Variants in ZNF730 observed in about 807,000 individuals in gnomAD.
ZNF730 encodes zinc finger protein 730, also known as putative zinc finger protein 730.
ZNF730 carries 12 observed loss-of-function variants against 12.6 expected under a neutral mutation model. The observed-to-expected ratio is 0.95, with a 90% CI of 0.61 to 1.54. The LOEUF (loss-of-function observed/expected upper bound fraction) is 1.54. Among genes scored for constraint, ZNF730 ranks in the 40% most tolerant of loss-of-function variants. ZNF730 has a pLI of 0.00. For missense variants in ZNF730, 643 were observed against 583.5 expected, an observed-to-expected ratio of 1.10 and a Z score of -1.05; for synonymous variants, 194 against 195.8, an observed-to-expected ratio of 0.99 and a Z score of 0.08.
intron 1 of ZNF730, among the ~76,000 whole-genome samples, chr19:23,109,608 G>T (rs1970438010): frequency 6.6e-6 from 1 of 151,914 alleles, no homozygotes. Flanking sequence ...CACCAGGTTG[G>T]TCAGGCTGGT....
chr19:23,093,231 C>T (rs1234737229), intron 1 of ZNF730, among the ~76,000 whole-genome samples: 3 of 152,204 alleles, frequency 2.0e-5, no homozygotes, highest in Non-Finnish European at 4.4e-5. Context: ...TCGCCTTGGC[C>T]TCCCAAAGTG....
chr19:23,084,012 CATT>C (rs770662176), intron 1 of ZNF730, among the ~76,000 whole-genome samples: 15 of 151,980 alleles, frequency 9.9e-5, no homozygotes, highest in Non-Finnish European at 2.2e-4. Flanking sequence ...TGTTTTAAAA[CATT>C]TTTTCTATGT....
upstream of ZNF730, among the ~76,000 whole-genome samples, chr19:23,115,365 CTAATTGCAG>C (rs1970506317): frequency 6.6e-6 from 1 of 152,188 alleles, no homozygotes; most frequent in African/African-American, 2.4e-5. Flanking sequence ...CAGAATGATA[CTAATTGCAG>C]AAATTGCAGC....
At chr19:23,078,687 G>A (rs896064840) in intron 1 of ZNF730, among the ~76,000 whole-genome samples, 1 of 152,124 alleles carries the variant, frequency 6.6e-6, no homozygotes, top group Non-Finnish European at 1.5e-5. Context: ...CTTTGTCTCT[G>A]TGTCTCTTTC....
At chr19:23,102,534 C>T (rs1342165404) in intron 1 of ZNF730, among the ~76,000 whole-genome samples, 2 of 150,074 alleles carry the variant, frequency 1.3e-5, no homozygotes, top group East Asian at 2.0e-4. Context: ...GTTGCTCTGT[C>T]GCCCAGGCTG....
chr19:23,133,971 C>T, intron 1 of ZNF730, 109 bp from the exon 2 acceptor site: 3 of 1,319,684 alleles, frequency 2.3e-6, no homozygotes, highest in Non-Finnish European at 3.1e-6. Context: ...ATTTCAGTCA[C>T]CCCTATAAGT....
Position 23,145,364 on chromosome 19 carries a change from G to C in ZNF730, c.320G>C (p.Arg107Thr). Residue 107 changes from arginine (R) to threonine (T), a missense_variant, in exon 4 of 4, where the codon AGA becomes ACA. By Grantham distance (71) the Arg-to-Thr change is moderately conservative. Coordinates refer to ENST00000597761, the MANE Select transcript of ZNF730 (RefSeq NM_001277403.2). Reference protein sequence around the residue: ...EVILRQYKKCRHENLLLRKGC... With the variant: ...EVILRQYKKCTHENLLLRKGC... Reference sequence around the variant, plus strand: ...ATACTGAGACAATATAAAAAATGTAGACATGAGAATTTACTGTTAAGAAAA... The same window carrying C: ...ATACTGAGACAATATAAAAAATGTACACATGAGAATTTACTGTTAAGAAAA... 1.3e-6 allele frequency: 2 copies of C among 1,594,244 alleles called. No individual in the cohort carries two copies. Among genetic ancestry groups the C allele is most frequent in the Non-Finnish European group, 1.7e-6 (2 of 1,171,014 alleles).
At chr19:23,103,151 G>A (rs1970355263) in intron 1 of ZNF730, among the ~76,000 whole-genome samples, 1 of 152,172 alleles carries the variant, frequency 6.6e-6, no homozygotes, top group South Asian at 2.1e-4. Context: ...GAAATCATGA[G>A]TCATTTCTAA....
chr19:23,128,993 C>T (rs896846164), intron 1 of ZNF730, among the ~76,000 whole-genome samples: 4 of 152,074 alleles, frequency 2.6e-5, no homozygotes, highest in Admixed American at 1.3e-4. Context: ...GGGTGGAAGC[C>T]CCAAGCCTTG....
chr19:23,097,278 T>G (rs1970268098), intron 1 of ZNF730, among the ~76,000 whole-genome samples: 1 of 152,026 alleles, frequency 6.6e-6, no homozygotes, highest in South Asian at 2.1e-4. Flanking sequence ...GTCATGTGCT[T>G]CTCCTGCCTG....
chr19:23,087,874 A>T (rs922629417), intron 1 of ZNF730, among the ~76,000 whole-genome samples: 1 of 151,872 alleles, frequency 6.6e-6, no homozygotes, highest in South Asian at 2.1e-4. Context: ...CGGCCTCCCA[A>T]AGTGCTGGGA....
At chr19:23,104,235 G>GA (rs1970366305) in intron 1 of ZNF730, among the ~76,000 whole-genome samples, 1 of 151,066 alleles carries the variant, frequency 6.6e-6, no homozygotes, top group Non-Finnish European at 1.5e-5. Flanking sequence ...CTGGGAGGCG[G>GA]AGGTTGCAGT....
intron 1 of ZNF730, among the ~76,000 whole-genome samples, chr19:23,095,948 T>C (rs963778888): frequency 3.9e-5 from 6 of 152,158 alleles, no homozygotes; most frequent in Admixed American, 2.0e-4. Context: ...ATCACTGAGA[T>C]TGTGACTGTC....
At chr19:23,108,305 A>G (rs1489327535) in intron 1 of ZNF730, among the ~76,000 whole-genome samples, 1 of 152,104 alleles carries the variant, frequency 6.6e-6, no homozygotes, top group Non-Finnish European at 1.5e-5. Flanking sequence ...ATTTGTGTTT[A>G]GGGGATTTTT....
chr19:23,145,173 G>A (rs1970983962), intron 3 of ZNF730, 98 bp from the exon 4 acceptor site: 1 of 814,224 alleles, frequency 1.2e-6, no homozygotes, highest in Non-Finnish European at 1.8e-6. Context: ...ATTTTGCTAT[G>A]CTATCTTGTT....
intron 1 of ZNF730, among the ~76,000 whole-genome samples, chr19:23,102,443 C>T (rs1970345722): frequency 6.6e-6 from 1 of 151,784 alleles, no homozygotes; most frequent in African/African-American, 2.4e-5. Context: ...TGTAAAATGC[C>T]TTGGTCTAGC....
intron 1 of ZNF730, chr19:23,126,668 T>TG: frequency 6.1e-6 from 3 of 495,156 alleles, no homozygotes; most frequent in Non-Finnish European, 1.2e-5. Flanking sequence ...CTAGTTTTTT[T>TG]TTTTTTCTGA....
In ZNF730 at chr19:23,146,095, C is replaced by T. The variant is rs781763850; in HGVS notation, c.1051C>T (p.Arg351Ter). 375 of 1,611,680 alleles carry T rather than the reference C, an allele frequency of 2.3e-4. No individual in the cohort carries two copies. The highest frequency in any genetic ancestry group is 7.8e-4 in the East Asian group (35 of 44,816). The change falls in exon 4 of 4, where the codon CGA becomes TGA. Residue 351 changes from arginine to a stop codon, truncating the protein, a stop_gained. Coordinates refer to ENST00000597761, the MANE Select transcript of ZNF730 (RefSeq NM_001277403.2). LOFTEE classifies it low-confidence loss of function (END_TRUNC). Reference sequence around the variant, plus strand: ...TGAAGAATGTGGCAAAGCTTTTAACCGATCCTCAACCCTTAATAGACATAA... The same window carrying T: ...TGAAGAATGTGGCAAAGCTTTTAACTGATCCTCAACCCTTAATAGACATAA... ...KCEECGKAFN[R>*]SSTLNRHKIT...
At position 23,145,284 on chromosome 19, in the gene ZNF730, T is replaced by C. The variant is rs1323219213; in HGVS notation, c.240T>C (p.His80=). 1 of 1,534,188 alleles carries C rather than the reference T, an allele frequency of 6.5e-7. No homozygotes were observed. Among genetic ancestry groups the C allele is most frequent in the Non-Finnish European group, 8.7e-7 (1 of 1,145,164 alleles). ...TATTTCTTTCAGTTATATGTTCTCA[T>C]ATTGCCCAAGACCTTTGGCCAGAGC... The part of the protein sequence containing the change: ...MVAKPPVICS[H]IAQDLWPEQG... The change falls in exon 4 of 4, where the codon CAT becomes CAC. Residue 80 remains histidine, a synonymous_variant. Transcript: ENST00000597761.
Sources: gnomAD v4.1 joint callset for allele counts (sites outside exome capture counted in the v4.1 genomes callset) on GRCh38, gnomAD v4.1.1 for gene constraint, MANE v1.5 for transcripts, NCBI Gene and HGNC (gene_info 2026-07-23, HGNC 2026-07-21) for gene names.